UNC5D: variants seen among roughly 807,000 people sequenced by gnomAD.
The protein encoded by UNC5D is netrin receptor UNC5D.
A neutral mutation model predicts 105.4 loss-of-function variants in UNC5D; 39 were observed. The ratio of observed to expected loss-of-function variants is 0.37; its 90% CI spans 0.29 to 0.48. The LOEUF is 0.48. Among genes scored for constraint, UNC5D ranks in the 20% least tolerant of loss-of-function variants. UNC5D has a pLI of 0.98. For missense variants in UNC5D, 991 were observed against 1,202.4 expected, an observed-to-expected ratio of 0.82 and a Z score of 2.60; for synonymous variants, 452 against 450.4, an observed-to-expected ratio of 1.00 and a Z score of -0.04.
At chr8:35,329,594 T>C (rs1810451511) in intron 1 of UNC5D, among the ~76,000 whole-genome samples, 1 of 152,056 alleles carries the variant, frequency 6.6e-6, no homozygotes, top group Admixed American at 6.6e-5. Flanking sequence ...TTTATATATT[T>C]CCTCCTCTGA....
At chr8:35,621,002 G>A (rs1468705797) in intron 4 of UNC5D, among the ~76,000 whole-genome samples, 1 of 152,088 alleles carries the variant, frequency 6.6e-6, no homozygotes, top group Non-Finnish European at 1.5e-5. Flanking sequence ...TCCTGTTCAG[G>A]GTACGATGTT....
chr8:35,612,723 C>CTTTTTTTTTTTTTTTTTTT lies in UNC5D; in HGVS notation c.570+17073_570+17091dup, dbSNP rs57450378. Among the ~76,000 whole-genome samples the CTTTTTTTTTTTTTTTTTTT allele has an allele frequency of 4.5e-4, 29 of 64,750 alleles. 3 individuals are homozygous for CTTTTTTTTTTTTTTTTTTT. The highest frequency in any genetic ancestry group is 1.1e-3 in the African/African-American group (16 of 14,074). 42.5% of individuals were successfully genotyped at this position (64,750 alleles called of 152,430 possible). A position where few individuals can be genotyped will look rare whatever the true frequency, so the allele number is the denominator to read the frequency against. ...TATTAGAAACTGCTAAATGTTTTGC[C>CTTTTTTTTTTTTTTTTTTT]TTTTTTTTTTTTTTTTTTTTTTTTT... is the stretch of plus-strand genomic sequence containing the variant. On this transcript the variant is annotated intron_variant, in intron 4 of 16. Transcript: ENST00000404895.
intron 1 of UNC5D, among the ~76,000 whole-genome samples, chr8:35,526,121 G>A (rs1319613244): frequency 6.6e-6 from 1 of 152,134 alleles, no homozygotes; most frequent in African/African-American, 2.4e-5. Flanking sequence ...TAAGTCTATG[G>A]TTACCAATTG....
chr8:35,365,311 C>G (rs1040127562), intron 1 of UNC5D, among the ~76,000 whole-genome samples: 2 of 152,018 alleles, frequency 1.3e-5, no homozygotes, highest in Non-Finnish European at 2.9e-5. Context: ...CTTCTATCTT[C>G]AGCAGTAGGA....
chr8:35,437,973 G>T (rs553965974), intron 1 of UNC5D, among the ~76,000 whole-genome samples: 53 of 151,464 alleles, frequency 3.5e-4, no homozygotes, highest in African/African-American at 1.2e-3. Flanking sequence ...TGTTATATCT[G>T]GCTCAGTTTT....
At chr8:35,581,909 TAA>T (rs1461971208) in intron 3 of UNC5D, among the ~76,000 whole-genome samples, 1 of 152,168 alleles carries the variant, frequency 6.6e-6, no homozygotes, top group Non-Finnish European at 1.5e-5. Context: ...CCTGTTCACC[TAA>T]AAGTCCAGCC....
chr8:35,515,340 C>G (rs186897081), intron 1 of UNC5D, among the ~76,000 whole-genome samples: 4 of 152,272 alleles, frequency 2.6e-5, no homozygotes, highest in African/African-American at 9.6e-5. Flanking sequence ...TTTAATATTT[C>G]TCTCTAGTTT....
intron 8 of UNC5D, among the ~76,000 whole-genome samples, chr8:35,716,546 T>C (rs1320710131): frequency 6.6e-6 from 1 of 152,220 alleles, no homozygotes; most frequent in East Asian, 1.9e-4. Flanking sequence ...CACCTCAGTT[T>C]ACACATCTCA....
chr8:35,331,118 G>T (rs1384317948), intron 1 of UNC5D, among the ~76,000 whole-genome samples: 1 of 152,134 alleles, frequency 6.6e-6, no homozygotes, highest in Non-Finnish European at 1.5e-5. Context: ...AAGGCAGAGA[G>T]ATTAAGAGAC....
At chr8:35,745,108 AGACAAAATAATAATAAATAGGCAAATG>A (rs1829939517) in intron 11 of UNC5D, among the ~76,000 whole-genome samples, 1 of 152,178 alleles carries the variant, frequency 6.6e-6, no homozygotes, top group Admixed American at 6.5e-5. Flanking sequence ...TTTGTGGGAC[AGACAAAATAATAATAAATAGGCAAATG>A]GTATGGTACA....
chr8:35,585,197 A>G (rs752879950), intron 3 of UNC5D, among the ~76,000 whole-genome samples: 1 of 152,182 alleles, frequency 6.6e-6, no homozygotes, highest in Admixed American at 6.5e-5. Flanking sequence ...GATAACAGCA[A>G]TTTACCAGCA....
intron 13 of UNC5D, among the ~76,000 whole-genome samples, chr8:35,754,882 T>TA (rs1830444948): frequency 6.6e-6 from 1 of 152,316 alleles, no homozygotes; most frequent in Admixed American, 6.5e-5. Context: ...TAAACACATC[T>TA]AAAATCGTCT....
chr8:35,456,616 G>A (rs1808514102), intron 1 of UNC5D, among the ~76,000 whole-genome samples: 1 of 152,208 alleles, frequency 6.6e-6, no homozygotes, highest in Non-Finnish European at 1.5e-5. Flanking sequence ...ACTTGTCAAA[G>A]CGTCACTTTG....
intron 8 of UNC5D, among the ~76,000 whole-genome samples, chr8:35,710,206 G>A (rs900369380): frequency 6.6e-6 from 1 of 152,162 alleles, no homozygotes; most frequent in Non-Finnish European, 1.5e-5. Context: ...ATTGTGGCTT[G>A]AGCCAGCTAT....
intron 4 of UNC5D, among the ~76,000 whole-genome samples, chr8:35,677,860 A>G (rs77400493): frequency 0.022 from 3,340 of 151,588 alleles, 54 homozygotes; most frequent in Middle Eastern, 0.044. Flanking sequence ...GAAAGCCATG[A>G]GAGTAGGTTT....
intron 4 of UNC5D, among the ~76,000 whole-genome samples, chr8:35,604,802 C>T (rs1820162076): frequency 6.6e-6 from 1 of 152,128 alleles, no homozygotes; most frequent in Non-Finnish European, 1.5e-5. Context: ...TTTTGTCTTC[C>T]ATCACTGATA....
At chr8:35,741,787 G>T (rs536130084) in intron 11 of UNC5D, among the ~76,000 whole-genome samples, 64 of 152,090 alleles carry the variant, frequency 4.2e-4, no homozygotes, top group African/African-American at 1.5e-3. Context: ...TTTTTTTTAA[G>T]AACTACACAA....
chr8:35,504,175 T>C (rs1219503141), intron 1 of UNC5D, among the ~76,000 whole-genome samples: 1 of 152,150 alleles, frequency 6.6e-6, no homozygotes, highest in East Asian at 1.9e-4. Context: ...GCAAAAACCA[T>C]TGATGACTTC....
intron 1 of UNC5D, among the ~76,000 whole-genome samples, chr8:35,495,953 C>T (rs971695888): frequency 1.3e-5 from 2 of 152,174 alleles, no homozygotes; most frequent in African/African-American, 4.8e-5. Context: ...GTATTCCCTT[C>T]TTTCAGGCAA....
Sources: allele counts gnomAD v4.1 joint callset (sites outside exome capture counted in the v4.1 genomes callset), GRCh38; gene constraint gnomAD v4.1.1; transcripts MANE v1.5; gene names NCBI Gene and HGNC (gene_info 2026-07-23, HGNC 2026-07-21).